The following C13orf42 variants were observed in gnomAD, a reference collection of about 807,000 sequenced individuals.
C13orf42 encodes uncharacterized protein C13orf42.
intron 1 of C13orf42, among the ~76,000 whole-genome samples, chr13:51,151,029 A>C (rs1161803675): frequency 6.6e-6 from 1 of 152,228 alleles, no homozygotes; most frequent in East Asian, 1.9e-4. Context: ...AAGGCCAATC[A>C]CAGGCACAAA....
chr13:51,131,886 T>G (rs894630725), intron 1 of C13orf42, among the ~76,000 whole-genome samples: 14 of 152,198 alleles, frequency 9.2e-5, no homozygotes, highest in African/African-American at 2.9e-4. Context: ...TTCCTGTAAT[T>G]TAGACTAGCC....
At chr13:51,115,993 C>T (rs956787898), upstream of C13orf42, among the ~76,000 whole-genome samples, 1 of 152,040 alleles carries the variant, frequency 6.6e-6, no homozygotes, top group African/African-American at 2.4e-5. Flanking sequence ...CTCGGCCCTC[C>T]ACATATGAAG....
intron 1 of C13orf42, among the ~76,000 whole-genome samples, chr13:51,171,628 C>T (rs1383610298): frequency 6.6e-6 from 1 of 152,172 alleles, no homozygotes; most frequent in African/African-American, 2.4e-5. Context: ...CACCTCCCCT[C>T]CTCACACCTG....
chr13:51,167,033 C>G (rs762232403), intron 1 of C13orf42, among the ~76,000 whole-genome samples: 12 of 151,640 alleles, frequency 7.9e-5, no homozygotes, highest in Non-Finnish European at 1.3e-4. Context: ...GAGCCGAGAT[C>G]GTGCCACTGC....
At chr13:51,098,823 C>T (rs1953260182) in intron 1 of C13orf42, among the ~76,000 whole-genome samples, 1 of 151,826 alleles carries the variant, frequency 6.6e-6, no homozygotes, top group Non-Finnish European at 1.5e-5. Context: ...GAACATCGAG[C>T]ATCTATTTCA....
At chr13:51,156,139 G>A (rs978286487) in intron 1 of C13orf42, among the ~76,000 whole-genome samples, 4 of 152,292 alleles carry the variant, frequency 2.6e-5, no homozygotes, top group African/African-American at 9.6e-5. Flanking sequence ...GGGGAAGAAG[G>A]AAAGCAGTCC....
At chr13:51,168,205 G>A (rs952184863) in intron 1 of C13orf42, among the ~76,000 whole-genome samples, 4 of 152,180 alleles carry the variant, frequency 2.6e-5, no homozygotes, top group African/African-American at 9.7e-5. Flanking sequence ...ACAAGAAAAT[G>A]TGCCAAAGGA....
intron 1 of C13orf42, among the ~76,000 whole-genome samples, chr13:51,128,348 A>G (rs1272746377): frequency 2.0e-5 from 3 of 152,206 alleles, no homozygotes; most frequent in Admixed American, 2.0e-4. Flanking sequence ...ACTGCATTCC[A>G]GTAATATCTT....
rs1014836334 is a variant in C13orf42, at chr13:51,085,559, A to G, written c.563T>C (p.Val188Ala). The stretch of plus-strand genomic sequence containing the variant: ...GCTGTGCTCCCTGGAGCTGGTGGCC[A>G]CTAGAAGAGAAAAGCATGTGACCCA... Reference protein sequence around the residue: ...SLPNEDVDFDVATSSREHSLH... With the variant: ...SLPNEDVDFDAATSSREHSLH... The change falls in exon 3 of 4, where the codon GTG (valine) becomes GCG (alanine). Residue 188 changes from valine to alanine, a missense_variant and splice_region_variant. Val to Ala is a moderately conservative substitution (Grantham distance 64). Transcript: ENST00000563710. The G allele has an allele frequency of 1.8e-5, 7 of 398,766 alleles. No homozygotes were observed. The highest frequency in any genetic ancestry group is 8.8e-5 in the Admixed American group (2 of 22,730). The allele number at this position is 398,766 out of a possible 1,614,324, so 24.7% of individuals were successfully genotyped here.
At chr13:51,142,585 C>A (rs1162210674) in intron 1 of C13orf42, among the ~76,000 whole-genome samples, 12 of 134,196 alleles carry the variant, frequency 8.9e-5, no homozygotes, top group African/African-American at 8.4e-5. Context: ...TGTGGGAAAA[C>A]ATTTCTGCTT....
intron 1 of C13orf42, among the ~76,000 whole-genome samples, chr13:51,154,483 C>T (rs76857399): frequency 0.011 from 1,643 of 152,252 alleles, 30 homozygotes; most frequent in African/African-American, 0.037. Flanking sequence ...ATCACAGTGT[C>T]GGAGGACTGT....
intron 1 of C13orf42, among the ~76,000 whole-genome samples, chr13:51,132,491 T>G (rs1425527157): frequency 6.6e-6 from 1 of 152,124 alleles, no homozygotes; most frequent in Admixed American, 6.5e-5. Context: ...AAACACTTAT[T>G]CATCTTCTGG....
intron 1 of C13orf42, among the ~76,000 whole-genome samples, chr13:51,128,188 C>T (rs1420133197): frequency 6.6e-6 from 1 of 152,242 alleles, no homozygotes; most frequent in African/African-American, 2.4e-5. Flanking sequence ...AAATGGGCAA[C>T]TAGCAGCCCT....
chr13:51,170,442 A>C (rs1237146695), intron 1 of C13orf42, among the ~76,000 whole-genome samples: 1 of 152,122 alleles, frequency 6.6e-6, no homozygotes, highest in Non-Finnish European at 1.5e-5. Context: ...CCCAAGAAAC[A>C]TCTCACCAAT....
intron 1 of C13orf42, among the ~76,000 whole-genome samples, chr13:51,145,470 G>A (rs1019982133): frequency 6.6e-6 from 1 of 152,080 alleles, no homozygotes; most frequent in Non-Finnish European, 1.5e-5. Context: ...TCCTAGCTAT[G>A]AGAGATCAGA....
intron 1 of C13orf42, among the ~76,000 whole-genome samples, chr13:51,106,961 T>C (rs1440254371): frequency 6.6e-6 from 1 of 152,216 alleles, no homozygotes; most frequent in Non-Finnish European, 1.5e-5. Context: ...AAAAAGTGTA[T>C]TTCATTCATT....
intron 1 of C13orf42, among the ~76,000 whole-genome samples, chr13:51,129,682 A>C (rs1246726011): frequency 6.6e-6 from 1 of 152,108 alleles, no homozygotes; most frequent in Non-Finnish European, 1.5e-5. Flanking sequence ...TCTCCTCTAT[A>C]AAGTTTTGGT....
chr13:51,098,107 C>A (rs1953253948), intron 1 of C13orf42, among the ~76,000 whole-genome samples: 1 of 152,168 alleles, frequency 6.6e-6, no homozygotes, highest in Non-Finnish European at 1.5e-5. Context: ...ATTTCCAATT[C>A]CTTGAGGGCA....
chr13:51,148,290 C>CGCCT (rs1953753994), intron 1 of C13orf42, among the ~76,000 whole-genome samples: 1 of 152,222 alleles, frequency 6.6e-6, no homozygotes, highest in Admixed American at 6.5e-5. Flanking sequence ...GACAAGGGAG[C>CGCCT]GCCTGCCCTG....
Sources: allele counts gnomAD v4.1 joint callset (sites outside exome capture counted in the v4.1 genomes callset), GRCh38; gene constraint gnomAD v4.1.1; transcripts MANE v1.5; gene names NCBI Gene and HGNC (gene_info 2026-07-23, HGNC 2026-07-21).